CYFIP2: variants seen among roughly 807,000 people sequenced by gnomAD.
CYFIP2 encodes cytoplasmic FMR1-interacting protein 2.
Under a neutral mutation model 158.7 loss-of-function variants are expected in CYFIP2, and 29 were observed. That is an observed-to-expected ratio of 0.18 (90% CI 0.14 to 0.25). CYFIP2 has a LOEUF of 0.25. Ranked by LOEUF, CYFIP2 falls within the 10% of genes least tolerant of loss-of-function variation. CYFIP2 has a pLI of 1.00. For synonymous variants in CYFIP2, 585 were observed against 617.6 expected (o/e 0.95, Z 0.78); for missense variants, 852 against 1,639.5 (o/e 0.52, Z 8.29).
At chr5:157,322,852 TTCTCTC>T in intron 15 of CYFIP2, 4 of 1,248,604 alleles carry the variant, frequency 3.2e-6, no homozygotes, top group African/African-American at 1.5e-5. Context: ...CCTCTTGCTT[TTCTCTC>T]TCTCTCTCTC....
intron 25 of CYFIP2, among the ~76,000 whole-genome samples, chr5:157,360,787 C>CTGTT (rs899666208): frequency 1.1e-4 from 16 of 152,280 alleles, no homozygotes; most frequent in African/African-American, 3.1e-4. Context: ...GACATCTTTG[C>CTGTT]TGTTTGACCG....
chr5:157,287,289 T>C (rs1757470804), intron 3 of CYFIP2, among the ~76,000 whole-genome samples, 181 bp downstream of exon 3: 1 of 152,216 alleles, frequency 6.6e-6, no homozygotes. Flanking sequence ...CCTAGAAACA[T>C]ACAGTTCCCC....
chr5:157,371,229 A>C (rs1008036613), intron 26 of CYFIP2, among the ~76,000 whole-genome samples: 1 of 152,194 alleles, frequency 6.6e-6, no homozygotes, highest in East Asian at 1.9e-4. Flanking sequence ...ATATAAGGGA[A>C]TGTTTAGAAC....
chr5:157,286,404 A>G (rs571300724), intron 2 of CYFIP2, among the ~76,000 whole-genome samples: 180 of 149,772 alleles, frequency 1.2e-3, no homozygotes, highest in Middle Eastern at 3.5e-3. Flanking sequence ...ACCAATAGAG[A>G]ACCATACTAT....
intron 28 of CYFIP2, among the ~76,000 whole-genome samples, chr5:157,387,222 A>G (rs563159592): frequency 2.0e-5 from 3 of 152,190 alleles, no homozygotes; most frequent in Admixed American, 6.5e-5. Flanking sequence ...TTTATGAAAT[A>G]TTTTTATTTT....
At chr5:157,312,815 T>A (rs187424796) in intron 11 of CYFIP2, among the ~76,000 whole-genome samples, 5 of 152,250 alleles carry the variant, frequency 3.3e-5, no homozygotes, top group Non-Finnish European at 7.3e-5. Context: ...TACCAATCCG[T>A]TGAACTGAAG....
At chr5:157,354,700 A>G (rs2096840590) in intron 23 of CYFIP2, among the ~76,000 whole-genome samples, 1 of 152,132 alleles carries the variant, frequency 6.6e-6, no homozygotes, top group African/African-American at 2.4e-5. Context: ...AGTCTAGACC[A>G]GAATCCAAGA....
At chr5:157,339,351 C>A in intron 22 of CYFIP2, 95 bp downstream of exon 22, 1 of 1,126,666 alleles carries the variant, frequency 8.9e-7, no homozygotes, top group Non-Finnish European at 1.3e-6. Context: ...GTGAGTGGTT[C>A]CTGCAACAGG....
rs556718615 is a variant in CYFIP2, at chr5:157,379,570, C to A, written c.3040-3020C>A. Among the ~76,000 whole-genome samples, 3 of 144,124 alleles carry A rather than the reference C, an allele frequency of 2.1e-5. No homozygotes were observed. In the South Asian group the frequency reaches 6.8e-4, roughly 33 times the overall value. 94.6% of individuals were successfully genotyped at this position (144,124 alleles called of 152,430 possible). A position where few individuals can be genotyped will look rare whatever the true frequency, so the allele number is the denominator to read the frequency against. On this transcript the variant is annotated intron_variant, in intron 26 of 30. Coordinates refer to ENST00000620254, the MANE Select transcript of CYFIP2 (RefSeq NM_001037333.3). ...CCTGTAGTCCCAGCTATTCAGGAGG[C>A]TGAGATGGGAGGATCACCTAAACCC...
At chr5:157,390,064 C>T (rs1767118650) in intron 29 of CYFIP2, among the ~76,000 whole-genome samples, 1 of 152,160 alleles carries the variant, frequency 6.6e-6, no homozygotes, top group Non-Finnish European at 1.5e-5. Context: ...GCAGCATCTG[C>T]CCACCATGGC....
intron 1 of CYFIP2, among the ~76,000 whole-genome samples, chr5:157,275,555 T>A (rs1349693330): frequency 6.6e-6 from 1 of 152,240 alleles, no homozygotes; most frequent in Non-Finnish European, 1.5e-5. Flanking sequence ...TTTGAGTATG[T>A]TTTGAAATCA....
At chr5:157,328,129 C>T (rs1761169812) in intron 19 of CYFIP2, 80 bp downstream of exon 19, 3 of 1,373,040 alleles carry the variant, frequency 2.2e-6, no homozygotes, top group Admixed American at 1.9e-5. Flanking sequence ...GTGAAACCTC[C>T]CTTCTTCTTT....
intron 23 of CYFIP2, among the ~76,000 whole-genome samples, chr5:157,343,846 G>T (rs1252137699): frequency 6.6e-6 from 1 of 151,906 alleles, no homozygotes; most frequent in African/African-American, 2.4e-5. Flanking sequence ...TTTCTTAAGG[G>T]GATTGTTCTC....
chr5:157,386,839 G>A (rs1222924948), intron 28 of CYFIP2, among the ~76,000 whole-genome samples: 5 of 151,414 alleles, frequency 3.3e-5, no homozygotes, highest in South Asian at 4.2e-4. Context: ...AGAATGGCTC[G>A]AACCCGGGAG....
chr5:157,369,188 G>A (rs1359405415), intron 26 of CYFIP2, among the ~76,000 whole-genome samples: 1 of 152,068 alleles, frequency 6.6e-6, no homozygotes, highest in South Asian at 2.1e-4. Flanking sequence ...ATGAGCCACC[G>A]CGCCCGGCCA....
chr5:157,305,614 G>A (rs541792509), intron 8 of CYFIP2, among the ~76,000 whole-genome samples: 7 of 152,156 alleles, frequency 4.6e-5, no homozygotes, highest in Non-Finnish European at 1.0e-4. Context: ...AGGCTCAAGC[G>A]ATCCTCCCAC....
At position 157,395,169 on chromosome 5, in the gene CYFIP2, C is replaced by G; in HGVS notation, c.*2169C>G. On this transcript the variant is annotated 3_prime_UTR_variant, in exon 31 of 31. Coordinates refer to ENST00000620254, the MANE Select transcript of CYFIP2 (RefSeq NM_001037333.3). ...CTTGATCCCAGTAGACTGAGGTCTTCCCTTTCAGCAGAAAGATTTCATTTC... is the reference window on the plus strand; with the variant it reads ...CTTGATCCCAGTAGACTGAGGTCTTGCCTTTCAGCAGAAAGATTTCATTTC... The G allele has an allele frequency of 4.6e-6, 1 of 216,236 alleles. No individual in the cohort carries two copies. The highest frequency in any genetic ancestry group is 9.1e-6 in the Non-Finnish European group (1 of 109,962). The allele number at this position is 216,236 out of a possible 1,614,324, so 13.4% of individuals were successfully genotyped here.
Position 157,326,163 on chromosome 5 carries a change from C to T in CYFIP2, c.1983-8C>T, listed in dbSNP as rs756353299. ...AGCAAGCGGCTGGCTGTGTTTTTCC[C>T]TCTTCAGGTATGTCCTCTACCCTCT... On this transcript the variant is annotated splice_polypyrimidine_tract_variant and splice_region_variant and intron_variant, in intron 17 of 30. Coordinates refer to ENST00000620254, the MANE Select transcript of CYFIP2 (RefSeq NM_001037333.3). The T allele has an allele frequency of 1.2e-5, 20 of 1,609,774 alleles. No individual in the cohort carries two copies. Among genetic ancestry groups the T allele is most frequent in the African/African-American group, 2.7e-5 (2 of 74,816 alleles).
chr5:157,357,863 A>C (rs991900555), intron 23 of CYFIP2, among the ~76,000 whole-genome samples: 12 of 152,140 alleles, frequency 7.9e-5, no homozygotes, highest in African/African-American at 2.9e-4. Flanking sequence ...TAAGTTTTGA[A>C]CTGAAACCTT....
Sources: gnomAD v4.1 joint callset for allele counts (sites outside exome capture counted in the v4.1 genomes callset) on GRCh38, gnomAD v4.1.1 for gene constraint, MANE v1.5 for transcripts, NCBI Gene and HGNC (gene_info 2026-07-23, HGNC 2026-07-21) for gene names.